Variants in PAK5 observed in about 807,000 individuals in gnomAD.
PAK5 encodes the protein serine/threonine-protein kinase PAK 5.
Under a neutral mutation model 65.9 loss-of-function variants are expected in PAK5, and 16 were observed. The ratio of observed to expected loss-of-function variants is 0.24; its 90% CI spans 0.16 to 0.37. The LOEUF is 0.37. Ranked by LOEUF, PAK5 falls within the 10% of genes least tolerant of loss-of-function variation. PAK5 has a pLI of 1.00. For missense variants in PAK5, 785 were observed against 903.9 expected, an observed-to-expected ratio of 0.87 and a Z score of 1.69; for synonymous variants, 371 against 354.9, an observed-to-expected ratio of 1.05 and a Z score of -0.51.
chr20:9,633,304 G>A (rs780159260), intron 3 of PAK5, among the ~76,000 whole-genome samples: 6 of 152,124 alleles, frequency 3.9e-5, no homozygotes, highest in Non-Finnish European at 8.8e-5. Flanking sequence ...TCCTGTATGA[G>A]ACTGTGGTGA....
chr20:9,546,365 A>G (rs925097140), intron 7 of PAK5, among the ~76,000 whole-genome samples: 1 of 152,172 alleles, frequency 6.6e-6, no homozygotes, highest in Non-Finnish European at 1.5e-5. Flanking sequence ...CTGGAGTTCA[A>G]TGTGTTTTTT....
intron 6 of PAK5, among the ~76,000 whole-genome samples, chr20:9,558,509 G>A (rs868817835): frequency 3.3e-5 from 5 of 152,254 alleles, no homozygotes; most frequent in Middle Eastern, 6.8e-3. Context: ...GGTTTCAGGC[G>A]TGGCTGTTAA....
At chr20:9,609,652 A>G (rs2046521468) in intron 3 of PAK5, among the ~76,000 whole-genome samples, 1 of 152,200 alleles carries the variant, frequency 6.6e-6, no homozygotes, top group Non-Finnish European at 1.5e-5. Flanking sequence ...GTGTTTTTGC[A>G]TTTGGGCACT....
chr20:9,808,974 T>C (rs1198364164), intron 1 of PAK5, among the ~76,000 whole-genome samples: 4 of 152,194 alleles, frequency 2.6e-5, no homozygotes, highest in Admixed American at 1.3e-4. Context: ...AGGAATCAAC[T>C]AGTATATTAG....
At position 9,749,334 on chromosome 20, in the gene PAK5, A is replaced by G. The variant is rs2048547237; in HGVS notation, c.-161-37899T>C. Among the ~76,000 whole-genome samples the G allele has an allele frequency of 1.3e-5, 2 of 152,170 alleles. 1 individual carries two copies. The highest frequency in any genetic ancestry group is 4.1e-4 in the South Asian group (2 of 4,832). ...ATCCAGTATTCATTTAAAATAATAT[A>G]GAGACAGAACTTTCTAATAATCTAT... On this transcript the variant is annotated intron_variant, in intron 1 of 9. Transcript: ENST00000353224.
At chr20:9,665,085 G>GGTTTTTTTTTTTTTT (rs1555910638) in intron 2 of PAK5, among the ~76,000 whole-genome samples, 5 of 98,920 alleles carry the variant, frequency 5.1e-5, no homozygotes, top group Non-Finnish European at 5.6e-5. Flanking sequence ...AAATTTTTCT[G>GGTTTTTTTTTTTTTT]TTTTTTTTTT....
At chr20:9,573,785 C>T (rs1176583020) in intron 4 of PAK5, among the ~76,000 whole-genome samples, 1 of 152,142 alleles carries the variant, frequency 6.6e-6, no homozygotes, top group African/African-American at 2.4e-5. Flanking sequence ...TGGGTCTGTA[C>T]CCACAGAATG....
intron 2 of PAK5, among the ~76,000 whole-genome samples, chr20:9,691,758 A>C (rs1412851345): frequency 6.6e-6 from 1 of 152,198 alleles, no homozygotes; most frequent in Non-Finnish European, 1.5e-5. Context: ...TATCTAAACA[A>C]TATTGCCCAT....
chr20:9,604,283 G>A (rs1271812666), intron 3 of PAK5, among the ~76,000 whole-genome samples: 1 of 152,204 alleles, frequency 6.6e-6, no homozygotes, highest in Non-Finnish European at 1.5e-5. Context: ...TCATTAGGGG[G>A]AAGGTGCTAT....
At chr20:9,551,471 T>C (rs947234612) in intron 7 of PAK5, among the ~76,000 whole-genome samples, 1 of 152,134 alleles carries the variant, frequency 6.6e-6, no homozygotes, top group Non-Finnish European at 1.5e-5. Context: ...ATCTCTCACG[T>C]GTCCTGGCCA....
chr20:9,611,281 T>G (rs566094567), intron 3 of PAK5, among the ~76,000 whole-genome samples: 1 of 152,312 alleles, frequency 6.6e-6, no homozygotes, highest in East Asian at 1.9e-4. Flanking sequence ...GAATGAACTC[T>G]CTACTCTCCT....
At chr20:9,728,885 T>C (rs78675518) in intron 1 of PAK5, among the ~76,000 whole-genome samples, 51 of 152,256 alleles carry the variant, frequency 3.3e-4, no homozygotes, top group African/African-American at 1.2e-3. Context: ...ACACCTAAAA[T>C]AGTTCCTATC....
intron 3 of PAK5, among the ~76,000 whole-genome samples, chr20:9,633,705 C>A (rs2046950823): frequency 6.6e-6 from 1 of 152,292 alleles, no homozygotes; most frequent in Non-Finnish European, 1.5e-5. Context: ...AGTGGAGGTA[C>A]TCACAGGAAC....
intron 3 of PAK5, among the ~76,000 whole-genome samples, chr20:9,631,616 C>G (rs2046922889): frequency 6.6e-6 from 1 of 152,128 alleles, no homozygotes; most frequent in Admixed American, 6.5e-5. Context: ...GCAAGAAGAT[C>G]CTGTTAAGCC....
intron 1 of PAK5, among the ~76,000 whole-genome samples, chr20:9,833,669 G>A (rs1271427675): frequency 6.6e-6 from 1 of 152,094 alleles, no homozygotes; most frequent in Non-Finnish European, 1.5e-5. Context: ...TCTTCCAGAT[G>A]GATGTTAGAA....
At chr20:9,645,635 A>T (rs927942589) in intron 2 of PAK5, among the ~76,000 whole-genome samples, 1 of 151,076 alleles carries the variant, frequency 6.6e-6, no homozygotes, top group Non-Finnish European at 1.5e-5. Flanking sequence ...CCCAGGCTGG[A>T]GCGCAGTGGT....
chr20:9,730,662 C>T (rs2123552707), intron 1 of PAK5, among the ~76,000 whole-genome samples: 1 of 152,318 alleles, frequency 6.6e-6, no homozygotes, highest in Non-Finnish European at 1.5e-5. Flanking sequence ...TGTGTTCTTA[C>T]ATGTCATGCT....
At chr20:9,782,793 A>C (rs2048954325) in intron 1 of PAK5, among the ~76,000 whole-genome samples, 1 of 152,162 alleles carries the variant, frequency 6.6e-6, no homozygotes, top group Admixed American at 6.5e-5. Flanking sequence ...TTGAATTATA[A>C]TGTGTTAACT....
chr20:9,805,465 A>G (rs2049220257), intron 1 of PAK5, among the ~76,000 whole-genome samples: 1 of 152,238 alleles, frequency 6.6e-6, no homozygotes, highest in Non-Finnish European at 1.5e-5. Context: ...AAAAGTGAAA[A>G]CAACTCACAT....
Sources: gnomAD v4.1 joint callset for allele counts (sites outside exome capture counted in the v4.1 genomes callset) on GRCh38, gnomAD v4.1.1 for gene constraint, MANE v1.5 for transcripts, NCBI Gene and HGNC (gene_info 2026-07-23, HGNC 2026-07-21) for gene names.